Variants in CTNNA3 observed in about 807,000 individuals in gnomAD.
The protein encoded by CTNNA3 is catenin alpha 3.
Under a neutral mutation model 95.7 loss-of-function variants are expected in CTNNA3, and 76 were observed. The observed-to-expected ratio is 0.79, with a 90% CI of 0.66 to 0.96. The LOEUF (loss-of-function observed/expected upper bound fraction) is 0.96, where lower values mean the gene tolerates loss of function less well. Among genes scored for constraint, CTNNA3 ranks in the 40% least tolerant of loss-of-function variants. The pLI is 0.00. For missense variants in CTNNA3, 1,191 were observed against 1,089.8 expected (o/e 1.09, Z -1.31); for synonymous variants, 431 against 374.4 (o/e 1.15, Z -1.74).
chr10:67,593,125 C>T (rs1391597624), intron 3 of CTNNA3, among the ~76,000 whole-genome samples: 5 of 152,138 alleles, frequency 3.3e-5, no homozygotes, highest in Non-Finnish European at 5.9e-5. Context: ...CAGTTGCATC[C>T]ATGTTGCTGC....
intron 7 of CTNNA3, among the ~76,000 whole-genome samples, chr10:66,963,696 GA>G (rs1459532668): frequency 6.6e-6 from 1 of 152,024 alleles, no homozygotes; most frequent in East Asian, 1.9e-4. Flanking sequence ...TTCCAAAATA[GA>G]AGGAGACCAA....
chr10:66,509,748 C>T (rs1361309367), intron 11 of CTNNA3, among the ~76,000 whole-genome samples: 1 of 151,640 alleles, frequency 6.6e-6, no homozygotes, highest in Admixed American at 6.6e-5. Context: ...ATACCCATAC[C>T]ATGTTGTTTT....
chr10:66,353,629 C>G (rs2092584048), intron 12 of CTNNA3, among the ~76,000 whole-genome samples: 1 of 151,936 alleles, frequency 6.6e-6, no homozygotes, highest in Admixed American at 6.6e-5. Flanking sequence ...GACAGCTGGT[C>G]CGAGTCTGCC....
chr10:65,924,291 A>G (rs558091160), intron 17 of CTNNA3, among the ~76,000 whole-genome samples: 1 of 152,234 alleles, frequency 6.6e-6, no homozygotes, highest in African/African-American at 2.4e-5. Flanking sequence ...CAATCAGGAC[A>G]CTGAGATCTG....
intron 7 of CTNNA3, among the ~76,000 whole-genome samples, chr10:67,054,233 T>C (rs1855287543): frequency 6.6e-6 from 1 of 152,000 alleles, no homozygotes; most frequent in African/African-American, 2.4e-5. Context: ...TGTACCCCAA[T>C]AATATAAATT....
intron 5 of CTNNA3, among the ~76,000 whole-genome samples, chr10:67,427,595 G>A (rs1029981561): frequency 9.2e-5 from 14 of 151,958 alleles, no homozygotes; most frequent in South Asian, 4.2e-4. Context: ...TTTCTCATAC[G>A]TATTATGTGT....
chr10:67,204,785 C>G (rs552572669), intron 6 of CTNNA3, among the ~76,000 whole-genome samples: 19 of 152,102 alleles, frequency 1.2e-4, no homozygotes, highest in African/African-American at 4.3e-4. Flanking sequence ...GAGTTATTAC[C>G]AAATTAATCT....
intron 12 of CTNNA3, among the ~76,000 whole-genome samples, chr10:66,343,567 G>T (rs544870318): frequency 2.0e-5 from 3 of 152,108 alleles, no homozygotes; most frequent in South Asian, 2.1e-4. Context: ...GGATACTGGG[G>T]CTGGGAAAGG....
chr10:66,324,595 T>C (rs1253761979), intron 12 of CTNNA3, among the ~76,000 whole-genome samples: 1 of 152,132 alleles, frequency 6.6e-6, no homozygotes, highest in Non-Finnish European at 1.5e-5. Flanking sequence ...CCCCAGCCTC[T>C]GCACCTGCCC....
chr10:67,597,916 C>T (rs1161021700), intron 3 of CTNNA3, among the ~76,000 whole-genome samples: 2 of 152,186 alleles, frequency 1.3e-5, no homozygotes, highest in African/African-American at 4.8e-5. Flanking sequence ...AGTTATCTGA[C>T]AGTTATATTG....
intron 15 of CTNNA3, among the ~76,000 whole-genome samples, chr10:66,060,420 A>G (rs1467826316): frequency 6.6e-6 from 1 of 152,140 alleles, no homozygotes; most frequent in African/African-American, 2.4e-5. Context: ...AGTCTCACTA[A>G]AACTATATAT....
At chr10:66,037,466 T>G (rs2079589888) in intron 15 of CTNNA3, among the ~76,000 whole-genome samples, 1 of 152,140 alleles carries the variant, frequency 6.6e-6, no homozygotes, top group South Asian at 2.1e-4. Context: ...CAGCCCATTC[T>G]CTCTCATTTT....
intron 10 of CTNNA3, among the ~76,000 whole-genome samples, chr10:66,618,312 A>G (rs912649241): frequency 5.3e-5 from 8 of 152,022 alleles, no homozygotes; most frequent in African/African-American, 1.9e-4. Context: ...TTCAAACTAT[A>G]CTACAAGGCT....
At chr10:67,643,700 C>G (rs776910055) in intron 2 of CTNNA3, among the ~76,000 whole-genome samples, 3 of 151,872 alleles carry the variant, frequency 2.0e-5, no homozygotes, top group Non-Finnish European at 4.4e-5. Flanking sequence ...CACCTCCCAA[C>G]AGGCCCCAGT....
At chr10:67,592,928 A>ACAGT (rs1842831249) in intron 3 of CTNNA3, among the ~76,000 whole-genome samples, 1 of 152,164 alleles carries the variant, frequency 6.6e-6, no homozygotes, top group Non-Finnish European at 1.5e-5. Flanking sequence ...GGTAGTAAGC[A>ACAGT]CAGTACCTGG....
intron 10 of CTNNA3, among the ~76,000 whole-genome samples, chr10:66,561,768 T>A (rs1842560315): frequency 6.6e-6 from 1 of 152,072 alleles, no homozygotes; most frequent in South Asian, 2.1e-4. Flanking sequence ...TTGAGAAATC[T>A]TTAGCATGAG....
chr10:66,875,966 G>A (rs1057375277), intron 7 of CTNNA3, among the ~76,000 whole-genome samples: 8 of 152,086 alleles, frequency 5.3e-5, no homozygotes, highest in Non-Finnish European at 8.8e-5. Flanking sequence ...ATTGGCTGAC[G>A]TGTTAAATCC....
At position 67,692,736 on chromosome 10, in the gene CTNNA3, TAAAAAAAAA is replaced by T. The variant is rs200961420; in HGVS notation, c.-6+3255_-6+3263del. Among the ~76,000 whole-genome samples, 43 of 80,832 alleles carry T rather than the reference TAAAAAAAAA, an allele frequency of 5.3e-4. No individual in the cohort carries two copies. The East Asian group carries it at 9.0e-3, about 17-fold the overall frequency. The allele number at this position is 80,832 out of a possible 152,430, so 53.0% of individuals were successfully genotyped here. ...GCGAGAAACACCCAAGAATGATCAA[TAAAAAAAAA>T]AAAAAAAAAAAAAGTCTTGCTACAA... On this transcript the variant is annotated intron_variant, in intron 1 of 17. Coordinates refer to ENST00000433211, the MANE Select transcript of CTNNA3 (RefSeq NM_013266.4).
At position 67,256,499 on chromosome 10, in the gene CTNNA3, G is replaced by A. The variant is rs553314618; in HGVS notation, c.580-36629C>T. Among the ~76,000 whole-genome samples the A allele has an allele frequency of 7.9e-5, 12 of 152,196 alleles. No homozygotes were observed. In the East Asian group the frequency reaches 2.1e-3, roughly 27 times the overall value. Reference sequence around the variant, plus strand: ...GCTTCAGCTCCTTTTTGCATAATATGATGGGACACATGAATTTGATCATTA... The same window carrying A: ...GCTTCAGCTCCTTTTTGCATAATATAATGGGACACATGAATTTGATCATTA... On this transcript the variant is annotated intron_variant, in intron 5 of 17. Transcript: ENST00000433211.
Sources: gnomAD v4.1 joint callset for allele counts (sites outside exome capture counted in the v4.1 genomes callset) on GRCh38, gnomAD v4.1.1 for gene constraint, MANE v1.5 for transcripts, NCBI Gene and HGNC (gene_info 2026-07-23, HGNC 2026-07-21) for gene names.